The following CDCA7L variants were observed in gnomAD, a reference collection of about 807,000 sequenced individuals.
CDCA7L encodes cell division cycle associated 7 like.
In CDCA7L, 44 loss-of-function variants were observed where a neutral mutation model predicts 57.4. The ratio of observed to expected loss-of-function variants is 0.77; its 90% CI spans 0.60 to 0.98. CDCA7L has a LOEUF of 0.98. Ranked by LOEUF, CDCA7L falls within the 50% of genes least tolerant of loss-of-function variation. CDCA7L has a pLI of 0.00. For synonymous variants in CDCA7L, 236 were observed against 202.8 expected (o/e 1.16, Z -1.39); for missense variants, 644 against 580.6 (o/e 1.11, Z -1.12).
intron 1 of CDCA7L, among the ~76,000 whole-genome samples, chr7:21,927,799 C>T (rs1446802981): frequency 6.6e-6 from 1 of 152,198 alleles, no homozygotes; most frequent in Non-Finnish European, 1.5e-5. Flanking sequence ...ACAAGATTAT[C>T]AGCTGTTCAG....
intron 1 of CDCA7L, among the ~76,000 whole-genome samples, chr7:21,926,726 A>T (rs1785841979): frequency 6.6e-6 from 1 of 151,940 alleles, no homozygotes; most frequent in Admixed American, 6.6e-5. Context: ...TTTTTTAATT[A>T]CCTAGGCATG....
chr7:21,911,854 T>A lies in CDCA7L; in HGVS notation c.166-100A>T, dbSNP rs1334040334. The stretch of plus-strand genomic sequence containing the variant: ...TACTGAACGGGTACAGAGCTTCTGA[T>A]GGAGATGACGAAAATGGATGGACAA... On this transcript the variant is annotated intron_variant, in intron 2 of 9. Transcript: ENST00000406877. 4 of 1,082,046 alleles carry A rather than the reference T, an allele frequency of 3.7e-6. No homozygotes were observed. In the African/African-American group the frequency reaches 4.8e-5, roughly 13 times the overall value. 67.0% of individuals were successfully genotyped at this position (1,082,046 alleles called of 1,614,324 possible). A position where few individuals can be genotyped will look rare whatever the true frequency, so the allele number is the denominator to read the frequency against.
At position 21,902,968 on chromosome 7, in the gene CDCA7L, A is replaced by G; in HGVS notation, c.1334+10T>C. Reference sequence around the variant, plus strand: ...CAAGCTGTTTTGTAAGCTGCTAGAGACTTACTTACCTCTCCAGATATTCCT... The same window carrying G: ...CAAGCTGTTTTGTAAGCTGCTAGAGGCTTACTTACCTCTCCAGATATTCCT... On this transcript the variant is annotated intron_variant, in intron 9 of 9. Coordinates refer to ENST00000406877, the MANE Select transcript of CDCA7L (RefSeq NM_018719.5). 6.2e-7 allele frequency: 1 copy of G among 1,612,370 alleles called. No individual in the cohort carries two copies. The highest frequency in any genetic ancestry group is 8.5e-7 in the Non-Finnish European group (1 of 1,178,940).
At chr7:21,923,268 C>T (rs960094588) in intron 1 of CDCA7L, among the ~76,000 whole-genome samples, 1 of 152,108 alleles carries the variant, frequency 6.6e-6, no homozygotes, top group African/African-American at 2.4e-5. Flanking sequence ...GCAGGAAGAT[C>T]ACTTGACCCC....
chr7:21,920,465 A>G (rs1265215545), intron 1 of CDCA7L, among the ~76,000 whole-genome samples: 1 of 152,244 alleles, frequency 6.6e-6, no homozygotes, highest in Non-Finnish European at 1.5e-5. Flanking sequence ...TAATGGTTCA[A>G]TCAAAGGAAG....
At position 21,928,044 on chromosome 7, in the gene CDCA7L, C is replaced by T. The variant is rs555335262; in HGVS notation, c.25-11150G>A. ...GGAGACACTTCCCAGCAGGGGTCAA[C>T]AGACACCTCATACAGGAGCGATCCG... is the stretch of plus-strand genomic sequence containing the variant. On this transcript the variant is annotated intron_variant, in intron 1 of 9. Transcript: ENST00000406877. Among the ~76,000 whole-genome samples the T allele has an allele frequency of 2.6e-5, 4 of 152,364 alleles. No individual in the cohort carries two copies. In the South Asian group the frequency reaches 6.2e-4, roughly 24 times the overall value.
At chr7:21,919,186 G>A (rs910129877) in intron 1 of CDCA7L, among the ~76,000 whole-genome samples, 1 of 151,928 alleles carries the variant, frequency 6.6e-6, no homozygotes, top group African/African-American at 2.4e-5. Flanking sequence ...CAAAGTAGCT[G>A]GCATTCTTGT....
chr7:21,905,902 A>T (rs1217821929), intron 6 of CDCA7L, among the ~76,000 whole-genome samples: 1 of 152,220 alleles, frequency 6.6e-6, no homozygotes, highest in African/African-American at 2.4e-5. Flanking sequence ...TGAACAGCCA[A>T]ACCCACAAAT....
chr7:21,902,108 GTCTGTGCATACATCTATATAGA>G lies in CDCA7L; in HGVS notation c.*192_*213del. On this transcript the variant is annotated 3_prime_UTR_variant, in exon 10 of 10. Transcript: ENST00000406877. ...TTAACAAAGTTCAGCATACAGACAG[GTCTGTGCATACATCTATATAGA>G]TTCCTCTGCTCTGCTGTCTTCCTGA... 1 of 583,150 alleles carries G rather than the reference GTCTGTGCATACATCTATATAGA, an allele frequency of 1.7e-6. No homozygotes were observed. Among genetic ancestry groups the G allele is most frequent in the Non-Finnish European group, 3.1e-6 (1 of 325,142 alleles). 36.1% of individuals were successfully genotyped at this position (583,150 alleles called of 1,614,324 possible). A position where few individuals can be genotyped will look rare whatever the true frequency, so the allele number is the denominator to read the frequency against.
chr7:21,915,691 G>A (rs1435404153), intron 2 of CDCA7L, among the ~76,000 whole-genome samples: 1 of 151,088 alleles, frequency 6.6e-6, no homozygotes, highest in Non-Finnish European at 1.5e-5. Flanking sequence ...GCCAGGCGTG[G>A]TGGTGGGAGC....
At chr7:21,912,958 C>T (rs1011673887) in intron 2 of CDCA7L, among the ~76,000 whole-genome samples, 1 of 152,164 alleles carries the variant, frequency 6.6e-6, no homozygotes, top group East Asian at 1.9e-4. Flanking sequence ...GGGAGACCCA[C>T]GAGACCAGCC....
At chr7:21,940,136 G>A (rs1296862774) in intron 1 of CDCA7L, 1 of 155,676 alleles carries the variant, frequency 6.4e-6, no homozygotes, top group Non-Finnish European at 1.4e-5. Context: ...ACAGTAAGTG[G>A]TATGCTGGCA....
intron 1 of CDCA7L, among the ~76,000 whole-genome samples, chr7:21,919,620 G>T (rs1019864883): frequency 6.6e-6 from 1 of 152,132 alleles, no homozygotes; most frequent in Non-Finnish European, 1.5e-5. Context: ...GTGACACCCT[G>T]AATTCAAATC....
chr7:21,939,452 T>C (rs1786274009), intron 1 of CDCA7L, among the ~76,000 whole-genome samples: 1 of 152,218 alleles, frequency 6.6e-6, no homozygotes, highest in South Asian at 2.1e-4. Flanking sequence ...TTAGAAGAGC[T>C]ATTCAGCAGA....
intron 1 of CDCA7L, among the ~76,000 whole-genome samples, chr7:21,924,246 T>A (rs538164093): frequency 6.6e-6 from 1 of 152,194 alleles, no homozygotes; most frequent in Non-Finnish European, 1.5e-5. Context: ...TTAGGCCAAC[T>A]GATACAAGGG....
intron 1 of CDCA7L, among the ~76,000 whole-genome samples, chr7:21,922,774 C>T (rs973711695): frequency 6.6e-6 from 1 of 152,056 alleles, no homozygotes; most frequent in Non-Finnish European, 1.5e-5. Context: ...AAGTATCCAT[C>T]GATGGATAAA....
intron 6 of CDCA7L, 69 bp downstream of exon 6, chr7:21,906,220 G>C (rs769492584): frequency 2.1e-6 from 3 of 1,449,152 alleles, no homozygotes; most frequent in Non-Finnish European, 2.8e-6. Context: ...GGGTGACAGT[G>C]ACGTGCGTTC....
intron 1 of CDCA7L, among the ~76,000 whole-genome samples, chr7:21,924,212 G>A (rs1356502143): frequency 2.2e-5 from 3 of 134,222 alleles, no homozygotes; most frequent in Non-Finnish European, 3.2e-5. Context: ...AGTTTTTGAA[G>A]AGAAAGAAAA....
intron 9 of CDCA7L, chr7:21,902,774 A>T: frequency 1.8e-6 from 1 of 551,106 alleles, no homozygotes; most frequent in East Asian, 3.1e-5. Flanking sequence ...TGAGTTGAAA[A>T]ATCTAGCAAA....
Sources: gnomAD v4.1 joint callset for allele counts (sites outside exome capture counted in the v4.1 genomes callset) on GRCh38, gnomAD v4.1.1 for gene constraint, MANE v1.5 for transcripts, NCBI Gene and HGNC (gene_info 2026-07-23, HGNC 2026-07-21) for gene names.